The following HDAC4 variants were observed in gnomAD, a reference collection of about 807,000 sequenced individuals.
The protein encoded by HDAC4 is histone deacetylase 4, also known as histone deacetylase A.
In HDAC4, 16 loss-of-function variants were observed where a neutral mutation model predicts 135.1. The observed-to-expected ratio is 0.12, with a 90% confidence interval of 0.08 to 0.18. The LOEUF (loss-of-function observed/expected upper bound fraction) is 0.18, where lower values mean the gene tolerates loss of function less well. Ranked by LOEUF, HDAC4 falls within the 10% of genes least tolerant of loss-of-function variation. The pLI is 1.00. For missense variants in HDAC4, 1,143 were observed against 1,511.8 expected (o/e 0.76, Z 4.05); for synonymous variants, 685 against 653.4 (o/e 1.05, Z -0.74).
At chr2:239,104,321 C>T (rs886575371) in intron 15 of HDAC4, among the ~76,000 whole-genome samples, 1 of 152,162 alleles carries the variant, frequency 6.6e-6, no homozygotes, top group Admixed American at 6.5e-5. Context: ...CTCCATCTCC[C>T]GGGTTCAAGT....
chr2:239,319,717 G>C (rs1048800860), intron 2 of HDAC4, among the ~76,000 whole-genome samples: 4 of 152,188 alleles, frequency 2.6e-5, no homozygotes, highest in Non-Finnish European at 5.9e-5. Flanking sequence ...TTGAATGCAA[G>C]ACACTAATGA....
chr2:239,312,756 C>T (rs1019289690), intron 2 of HDAC4, among the ~76,000 whole-genome samples: 4 of 152,250 alleles, frequency 2.6e-5, no homozygotes, highest in Admixed American at 6.5e-5. Flanking sequence ...CTCGACTGCA[C>T]CACAGCACTG....
chr2:239,175,316 C>A (rs1022063473), intron 5 of HDAC4, among the ~76,000 whole-genome samples: 5 of 152,194 alleles, frequency 3.3e-5, no homozygotes, highest in African/African-American at 1.2e-4. Flanking sequence ...TGACTCAGCC[C>A]CACGGTGGAC....
rs1476763093 is a variant in HDAC4 at position 239,352,173 on chromosome 2, A to G, written c.22+505T>C. 6.6e-6 allele frequency among the ~76,000 whole-genome samples: 1 copy of G among 152,190 alleles called. No individual in the cohort carries two copies. Among genetic ancestry groups the G allele is most frequent in the African/African-American group, 2.4e-5 (1 of 41,434 alleles). On this transcript the variant is annotated intron_variant, in intron 2 of 26. Transcript: ENST00000543185. This position sits in a 1 kb window ranked among gnomAD's most constrained non-coding sequence, Gnocchi z 4.4. ...CAGGCCTGAGATGATCTGGGGCTGTACTAAATGCTTGTAAAATGCTTAGTG... is the reference window on the plus strand; with the variant it reads ...CAGGCCTGAGATGATCTGGGGCTGTGCTAAATGCTTGTAAAATGCTTAGTG...
At chr2:239,222,161 C>T (rs2046993423) in intron 3 of HDAC4, among the ~76,000 whole-genome samples, 1 of 152,094 alleles carries the variant, frequency 6.6e-6, no homozygotes, top group South Asian at 2.1e-4. Context: ...TTACGGCAGC[C>T]CGTGATGTTA....
intron 2 of HDAC4, among the ~76,000 whole-genome samples, chr2:239,326,269 A>G (rs981490195): frequency 6.6e-6 from 1 of 152,236 alleles, no homozygotes; most frequent in African/African-American, 2.4e-5. Context: ...GCCACGCACA[A>G]AAGGACAAAT....
At chr2:239,379,069 CA>C (rs926269552) in intron 1 of HDAC4, among the ~76,000 whole-genome samples, 2 of 152,154 alleles carry the variant, frequency 1.3e-5, no homozygotes, top group African/African-American at 4.8e-5. Context: ...GAAGGAGACA[CA>C]AAGGGAAGAA....
At chr2:239,112,529 G>A (rs891185668) in intron 13 of HDAC4, among the ~76,000 whole-genome samples, 1 of 152,228 alleles carries the variant, frequency 6.6e-6, no homozygotes, top group Non-Finnish European at 1.5e-5. Flanking sequence ...TCTCTGATGA[G>A]ATGGAGCTGG....
At position 239,360,111 on chromosome 2, in the gene HDAC4, C is replaced by T. The variant is rs528459484; in HGVS notation, c.-219-7193G>A. Among the ~76,000 whole-genome samples, 52 of 152,294 alleles carry T rather than the reference C, an allele frequency of 3.4e-4. 1 individual carries two copies. Among genetic ancestry groups the T allele is most frequent in the Admixed American group, 2.7e-3 (42 of 15,306 alleles). On this transcript the variant is annotated intron_variant, in intron 1 of 26. Coordinates refer to ENST00000543185, the MANE Select transcript of HDAC4 (RefSeq NM_001378414.1). The stretch of plus-strand genomic sequence containing the variant: ...GGAGGGACCCAGAGGCAGGAATTAA[C>T]GGAGAGTCCCTCCAGAACACTGTCC...
In HDAC4 at chr2:239,141,334, G is replaced by A. The variant is rs193237551; in HGVS notation, c.866-1538C>T. On this transcript the variant is annotated intron_variant, in intron 8 of 26. Coordinates refer to ENST00000543185, the MANE Select transcript of HDAC4 (RefSeq NM_001378414.1). This position sits in a 1 kb window ranked among gnomAD's most constrained non-coding sequence, Gnocchi z 4.9. ...ACACCAGCCGCTCCCCATGGCTCTT[G>A]GAGCTCAAAAGAGTGTGGGGTCAGC... is the stretch of plus-strand genomic sequence containing the variant. 1.7e-4 allele frequency among the ~76,000 whole-genome samples: 26 copies of A among 152,260 alleles called. No homozygotes were observed. The highest frequency in any genetic ancestry group is 1.6e-3 in the Admixed American group (25 of 15,306).
At chr2:239,059,506 A>T (rs2032360351) in intron 24 of HDAC4, among the ~76,000 whole-genome samples, 1 of 152,196 alleles carries the variant, frequency 6.6e-6, no homozygotes, top group Admixed American at 6.5e-5. Flanking sequence ...CGTGAAAGGC[A>T]GGAAACTGGG....
intron 5 of HDAC4, among the ~76,000 whole-genome samples, chr2:239,165,525 C>T (rs1001149353): frequency 2.6e-5 from 4 of 152,048 alleles, no homozygotes; most frequent in South Asian, 2.1e-4. Context: ...ACTGGAGTTG[C>T]GTGGGTTTCT....
intron 17 of HDAC4, among the ~76,000 whole-genome samples, chr2:239,090,599 C>T (rs756297440): frequency 6.6e-6 from 1 of 151,156 alleles, no homozygotes; most frequent in Non-Finnish European, 1.5e-5. Context: ...GCCATGAATG[C>T]ACCTCTGCAC....
chr2:239,208,423 C>T (rs2046187625), intron 3 of HDAC4, among the ~76,000 whole-genome samples: 1 of 151,158 alleles, frequency 6.6e-6, no homozygotes, highest in Non-Finnish European at 1.5e-5. Flanking sequence ...TGATCATCTT[C>T]AGAATGAAAG....
intron 1 of HDAC4, among the ~76,000 whole-genome samples, chr2:239,373,560 TTCAAGCGATTCTCTCACCTCAGCC>T (rs1429853674): frequency 2.0e-5 from 3 of 149,554 alleles, no homozygotes; most frequent in Non-Finnish European, 4.5e-5. Flanking sequence ...ACCTCCCAGG[TTCAAGCGATTCTCTCACCTCAGCC>T]TCCCAAGTAG....
intron 2 of HDAC4, among the ~76,000 whole-genome samples, chr2:239,257,283 C>A (rs985845247): frequency 4.6e-5 from 7 of 151,442 alleles, no homozygotes; most frequent in African/African-American, 1.5e-4. Context: ...TGTGGTCCAG[C>A]CTTAGCAGAG....
At chr2:239,054,952 CCA>C in intron 24 of HDAC4, 119 bp from the exon 25 acceptor site, 1 of 765,182 alleles carries the variant, frequency 1.3e-6, no homozygotes, top group Non-Finnish European at 2.4e-6. Context: ...GTGCATTTGC[CCA>C]CAGAGTAGAA....
At chr2:239,158,327 C>CG (rs2042554945) in intron 6 of HDAC4, among the ~76,000 whole-genome samples, 1 of 152,114 alleles carries the variant, frequency 6.6e-6, no homozygotes, top group African/African-American at 2.4e-5. Flanking sequence ...ATGGGAAACA[C>CG]GGAGTGACTT....
At chr2:239,304,366 T>A (rs762269904) in intron 2 of HDAC4, among the ~76,000 whole-genome samples, 1 of 152,198 alleles carries the variant, frequency 6.6e-6, no homozygotes, top group Non-Finnish European at 1.5e-5. Context: ...ACCAGGCACA[T>A]AGAAAGCATG....
Sources: gnomAD v4.1 joint callset for allele counts (sites outside exome capture counted in the v4.1 genomes callset) on GRCh38, gnomAD v4.1.1 for gene constraint, Gnocchi (gnomAD v3.1) non-coding constraint, MANE v1.5 for transcripts, NCBI Gene and HGNC (gene_info 2026-07-23, HGNC 2026-07-21) for gene names.